Variants in PKHD1 observed in about 807,000 individuals in gnomAD.
PKHD1 encodes fibrocystin.
In PKHD1, 291 loss-of-function variants were observed where a neutral mutation model predicts 412.0. That is an observed-to-expected ratio of 0.71 (90% CI 0.64 to 0.78). The LOEUF (loss-of-function observed/expected upper bound fraction) is 0.78. PKHD1 is among the 30% of genes least tolerant of loss of function. The pLI is 0.00. For synonymous variants in PKHD1, 1,777 were observed against 1,821.5 expected (o/e 0.98, Z 0.62); for missense variants, 4,825 against 4,950.7 (o/e 0.97, Z 0.76).
intron 60 of PKHD1, among the ~76,000 whole-genome samples, chr6:51,704,935 T>A (rs1377248042): frequency 1.3e-5 from 2 of 151,240 alleles, no homozygotes; most frequent in Non-Finnish European, 3.0e-5. Flanking sequence ...ACATTGGAGG[T>A]ATAGGTAGAA....
intron 35 of PKHD1, among the ~76,000 whole-genome samples, chr6:51,998,650 ATTTG>A (rs1797991276): frequency 6.6e-6 from 1 of 151,810 alleles, no homozygotes; most frequent in Non-Finnish European, 1.5e-5. Flanking sequence ...CCTGTTGTTT[ATTTG>A]TTTGTTTTAT....
rs150407436 is a variant in PKHD1 at position 51,722,736 on chromosome 6, G to A, written c.10156+21649C>T. ...CTCCAGGAGGATATAATCTAATTGG[G>A]GAAAGCCACATGCTAATGTAATTAA... On this transcript the variant is annotated intron_variant, in intron 60 of 66. Transcript: ENST00000371117. Among the ~76,000 whole-genome samples the A allele has an allele frequency of 3.5e-3, 528 of 152,154 alleles. 6 individuals carry two copies. The highest frequency in any genetic ancestry group is 0.011 in the African/African-American group (451 of 41,526).
chr6:51,974,817 T>C (rs1794155394), intron 35 of PKHD1, among the ~76,000 whole-genome samples: 1 of 152,118 alleles, frequency 6.6e-6, no homozygotes, highest in Non-Finnish European at 1.5e-5. Context: ...AATTTATTCA[T>C]GTAACCAAAC....
chr6:52,086,493 T>TC (rs1241771915), intron 1 of PKHD1, among the ~76,000 whole-genome samples: 11 of 150,462 alleles, frequency 7.3e-5, no homozygotes, highest in African/African-American at 1.5e-4. Context: ...TACAATATAC[T>TC]CCCCCCCTCA....
intron 57 of PKHD1, among the ~76,000 whole-genome samples, chr6:51,750,485 T>C (rs745844123): frequency 6.6e-6 from 1 of 152,100 alleles, no homozygotes; most frequent in South Asian, 2.1e-4. Context: ...TTATAAATGA[T>C]ATTACAAGGG....
Position 51,867,520 on chromosome 6 carries a change from C to T in PKHD1, c.7733+343G>A, listed in dbSNP as rs111266569. On this transcript the variant is annotated intron_variant, in intron 48 of 66. Transcript: ENST00000371117. ...GTACATGTATATAAATGAGAATGGA[C>T]ATTTTTAGAATTTTTTAATAATACT... is the stretch of plus-strand genomic sequence containing the variant. 1.3e-3 allele frequency among the ~76,000 whole-genome samples: 194 copies of T among 152,148 alleles called. 1 individual carries two copies. The highest frequency in any genetic ancestry group is 0.01 in the Middle Eastern group (3 of 294).
At chr6:51,966,597 G>T (rs1471757899) in intron 35 of PKHD1, among the ~76,000 whole-genome samples, 1 of 152,080 alleles carries the variant, frequency 6.6e-6, no homozygotes, top group South Asian at 2.1e-4. Context: ...CACTTACGGG[G>T]TGCACTTAAC....
intron 48 of PKHD1, among the ~76,000 whole-genome samples, chr6:51,863,188 C>T (rs892823946): frequency 1.3e-5 from 2 of 152,056 alleles, no homozygotes; most frequent in Admixed American, 1.3e-4. Flanking sequence ...TGACTTGTAC[C>T]CACAAAGGAT....
At chr6:51,851,228 T>C (rs1772176204) in intron 49 of PKHD1, among the ~76,000 whole-genome samples, 1 of 152,234 alleles carries the variant, frequency 6.6e-6, no homozygotes, top group South Asian at 2.1e-4. Context: ...GAACCAGCCT[T>C]GCATCCCAGG....
At chr6:51,776,016 T>G in intron 53 of PKHD1, 95 bp from the exon 54 acceptor site, 1 of 699,042 alleles carries the variant, frequency 1.4e-6, no homozygotes, top group Non-Finnish European at 2.6e-6. Context: ...GCAATGTAGA[T>G]ACTGTGAAGT....
intron 60 of PKHD1, among the ~76,000 whole-genome samples, chr6:51,708,445 A>G (rs1474723798): frequency 1.3e-5 from 2 of 152,208 alleles, no homozygotes; most frequent in African/African-American, 4.8e-5. Flanking sequence ...TCTTTTAAAC[A>G]TGCAGGTCTA....
chr6:51,660,668 A>C (rs1288961277), intron 60 of PKHD1, among the ~76,000 whole-genome samples: 1 of 152,162 alleles, frequency 6.6e-6, no homozygotes, highest in Non-Finnish European at 1.5e-5. Context: ...TTTATTATAA[A>C]GGATATTACA....
intron 52 of PKHD1, among the ~76,000 whole-genome samples, chr6:51,816,179 A>G (rs1310676206): frequency 6.6e-6 from 1 of 152,236 alleles, no homozygotes; most frequent in Admixed American, 6.5e-5. Flanking sequence ...TATTATCTAC[A>G]TAGTAAAACA....
intron 66 of PKHD1, chr6:51,621,779 C>T (rs959585622): frequency 2.0e-5 from 3 of 152,138 alleles, no homozygotes; most frequent in African/African-American, 4.8e-5. Context: ...TATGTGTCAG[C>T]GCCGACATCA....
At chr6:51,914,853 T>G (rs551767517) in intron 37 of PKHD1, among the ~76,000 whole-genome samples, 2 of 152,198 alleles carry the variant, frequency 1.3e-5, no homozygotes, top group African/African-American at 4.8e-5. Flanking sequence ...TCCTTGCTTC[T>G]TTCTCTTCAT....
At chr6:51,974,333 A>C (rs982932576) in intron 35 of PKHD1, among the ~76,000 whole-genome samples, 2 of 152,338 alleles carry the variant, frequency 1.3e-5, no homozygotes, top group African/African-American at 4.8e-5. Flanking sequence ...AGCCTCTCTC[A>C]AGTCTTTAAG....
chr6:52,048,412 C>T, intron 23 of PKHD1, 80 bp downstream of exon 23: 1 of 1,349,662 alleles, frequency 7.4e-7, no homozygotes, highest in South Asian at 1.2e-5. Context: ...TGTCTGACAA[C>T]CTCCCAGGAT....
At chr6:52,059,238 C>G (rs183272566) in intron 15 of PKHD1, among the ~76,000 whole-genome samples, 1 of 111,562 alleles carries the variant, frequency 9.0e-6, no homozygotes, top group East Asian at 2.5e-4. Context: ...CACAATCTTT[C>G]TTTTTTTTCT....
intron 66 of PKHD1, among the ~76,000 whole-genome samples, chr6:51,626,044 T>C (rs376023237): frequency 7.9e-5 from 12 of 152,228 alleles, no homozygotes; most frequent in East Asian, 5.8e-4. Flanking sequence ...AACAAACCTT[T>C]ATTTCTTTCA....
Sources: allele counts gnomAD v4.1 joint callset (sites outside exome capture counted in the v4.1 genomes callset), GRCh38; gene constraint gnomAD v4.1.1; transcripts MANE v1.5; gene names NCBI Gene and HGNC (gene_info 2026-07-23, HGNC 2026-07-21).